The following CYB5A variants were observed in gnomAD, a reference collection of about 807,000 sequenced individuals.
CYB5A encodes cytochrome b5 type A.
A neutral mutation model predicts 16.2 loss-of-function variants in CYB5A; 10 were observed. That is an observed-to-expected ratio of 0.62 (90% CI 0.38 to 1.04). CYB5A has a LOEUF of 1.04. Among genes scored for constraint, CYB5A ranks in the 50% least tolerant of loss-of-function variants. The probability of loss-of-function intolerance (pLI) is 0.01; values close to 1 mark genes in which losing one functional copy is unlikely to be tolerated. For missense variants in CYB5A, 161 were observed against 165.9 expected (o/e 0.97, Z 0.16); for synonymous variants, 62 against 57.0 (o/e 1.09, Z -0.40).
rs1305436500 is a variant in CYB5A at position 74,252,219 on chromosome 18, G to T, written c.*1365C>A. 1 of 152,204 alleles carries T rather than the reference G, an allele frequency of 6.6e-6. No homozygotes were observed. The highest frequency in any genetic ancestry group is 1.5e-5 in the Non-Finnish European group (1 of 68,024). 9.4% of individuals were successfully genotyped at this position (152,204 alleles called of 1,614,324 possible). A position where few individuals can be genotyped will look rare whatever the true frequency, so the allele number is the denominator to read the frequency against. On this transcript the variant is annotated 3_prime_UTR_variant, in exon 5 of 5. Transcript: ENST00000340533. ...GCGGTCACTTCTGAAGAACCTCGTGGTTTGTCAGCTCATGCCAGTGCAAAT... is the reference window on the plus strand; with the variant it reads ...GCGGTCACTTCTGAAGAACCTCGTGTTTTGTCAGCTCATGCCAGTGCAAAT...
intron 1 of CYB5A, among the ~76,000 whole-genome samples, chr18:74,283,961 A>G (rs1983217711): frequency 6.6e-6 from 1 of 152,300 alleles, no homozygotes; most frequent in South Asian, 2.1e-4. Context: ...GGCCGGGCGC[A>G]GTGGCTCACA....
chr18:74,259,574 T>A (rs963794843), intron 3 of CYB5A: 1 of 152,212 alleles, frequency 6.6e-6, no homozygotes, highest in Non-Finnish European at 1.5e-5. Flanking sequence ...TGTTTTCTGC[T>A]TGTAGTCTTT....
chr18:74,253,661 A>C lies in CYB5A; in HGVS notation c.328T>G (p.Trp110Gly), dbSNP rs1388079629. ...ATGGCAGGGATCACCCAGTTGGTCC[A>C]CCAACTAGAAAGACACAAAAAGCAA... ...ITTIDSSSSW[W>G]TNWVIPAISA... is the part of the protein sequence containing the mutation. Residue 110 changes from tryptophan to glycine, a missense_variant, in exon 5 of 5, where the codon TGG becomes GGG. Trp to Gly is a radical substitution (Grantham distance 184, BLOSUM62 -2). Coordinates refer to ENST00000340533, the MANE Select transcript of CYB5A (RefSeq NM_148923.4). 2 of 1,611,600 alleles carry C rather than the reference A, an allele frequency of 1.2e-6. No individual in the cohort carries two copies. Among genetic ancestry groups the C allele is most frequent in the Admixed American group, 3.3e-5 (2 of 60,002 alleles).
intron 1 of CYB5A, among the ~76,000 whole-genome samples, chr18:74,264,700 A>G (rs1362510146): frequency 2.0e-5 from 3 of 152,144 alleles, no homozygotes; most frequent in Non-Finnish European, 4.4e-5. Context: ...TCAACTCCAC[A>G]CTGGGGAGAG....
intron 1 of CYB5A, among the ~76,000 whole-genome samples, chr18:74,274,164 G>A (rs573969696): frequency 2.0e-4 from 30 of 152,342 alleles, no homozygotes; most frequent in Non-Finnish European, 3.1e-4. Context: ...ACAATAGTGC[G>A]AATATGTCAC....
At chr18:74,269,644 C>T (rs1338523287) in intron 1 of CYB5A, among the ~76,000 whole-genome samples, 1 of 152,218 alleles carries the variant, frequency 6.6e-6, no homozygotes, top group Non-Finnish European at 1.5e-5. Flanking sequence ...TGCCACCACA[C>T]ACCCAGTTGC....
intron 1 of CYB5A, among the ~76,000 whole-genome samples, chr18:74,283,309 C>T (rs1485437662): frequency 6.6e-6 from 1 of 152,190 alleles, no homozygotes; most frequent in Non-Finnish European, 1.5e-5. Context: ...CCAAACAACA[C>T]ATGCCTCCTC....
chr18:74,286,224 C>T (rs1983315368), intron 1 of CYB5A, among the ~76,000 whole-genome samples: 1 of 152,222 alleles, frequency 6.6e-6, no homozygotes, highest in African/African-American at 2.4e-5. Context: ...TGCAGTTTTC[C>T]ACACTGTCCA....
chr18:74,285,843 CAAAAAAAAAAAA>C (rs58176740), intron 1 of CYB5A, among the ~76,000 whole-genome samples: 1 of 70,866 alleles, frequency 1.4e-5, no homozygotes, highest in Non-Finnish European at 3.1e-5. Context: ...GACCCCATCT[CAAAAAAAAAAAA>C]AAAAAAAAAA....
chr18:74,287,999 G>T (rs551501891), intron 1 of CYB5A, among the ~76,000 whole-genome samples: 1 of 151,858 alleles, frequency 6.6e-6, no homozygotes, highest in Non-Finnish European at 1.5e-5. Flanking sequence ...TAGAACTCAG[G>T]ATTGAAAAAA....
chr18:74,256,038 A>G (rs961097190), intron 3 of CYB5A: 5 of 456,768 alleles, frequency 1.1e-5, no homozygotes, highest in Non-Finnish European at 2.0e-5. Context: ...GCTACATAAA[A>G]TATCTTGCAC....
chr18:74,283,634 C>G (rs1262491846), intron 1 of CYB5A, among the ~76,000 whole-genome samples: 3 of 152,216 alleles, frequency 2.0e-5, no homozygotes, highest in Admixed American at 6.5e-5. Context: ...CCTGGTTCCT[C>G]CAGAGAACTC....
At position 74,252,991 on chromosome 18, in the gene CYB5A, C is replaced by A. The variant is rs942763630; in HGVS notation, c.*593G>T. 1 of 156,034 alleles carries A rather than the reference C, an allele frequency of 6.4e-6. No homozygotes were observed. The highest frequency in any genetic ancestry group is 1.4e-5 in the Non-Finnish European group (1 of 70,634). The allele number at this position is 156,034 out of a possible 1,614,324, so 9.7% of individuals were successfully genotyped here. On this transcript the variant is annotated 3_prime_UTR_variant, in exon 5 of 5. Coordinates refer to ENST00000340533, the MANE Select transcript of CYB5A (RefSeq NM_148923.4). ...GTGCTGGGCTTACAGGTGTGAGCCA[C>A]GATGCCCAGCCGCTACTTTCTTTTT...
At chr18:74,275,004 A>C (rs2145066600) in intron 1 of CYB5A, among the ~76,000 whole-genome samples, 1 of 152,142 alleles carries the variant, frequency 6.6e-6, no homozygotes, top group Non-Finnish European at 1.5e-5. Flanking sequence ...TGCTGCTGGG[A>C]TCTCATCCTC....
rs73480491 is a variant in CYB5A at position 74,256,161 on chromosome 18, A to G, written c.289-386T>C. 934 of 184,842 alleles carry G rather than the reference A, an allele frequency of 5.1e-3. 15 individuals carry two copies. The highest frequency in any genetic ancestry group is 0.021 in the African/African-American group (865 of 42,184). 11.5% of individuals were successfully genotyped at this position (184,842 alleles called of 1,614,324 possible). On this transcript the variant is annotated intron_variant, in intron 3 of 4. Coordinates refer to ENST00000340533, the MANE Select transcript of CYB5A (RefSeq NM_148923.4). Reference sequence around the variant, plus strand: ...TTTAATTCTTCAAAAGCATGAACACAATGTTCAATAAAAACATCAGTTATT... The same window carrying G: ...TTTAATTCTTCAAAAGCATGAACACGATGTTCAATAAAAACATCAGTTATT...
At chr18:74,263,933 T>A (rs1982320560) in intron 1 of CYB5A, among the ~76,000 whole-genome samples, 3 of 150,842 alleles carry the variant, frequency 2.0e-5, no homozygotes, top group African/African-American at 7.3e-5. Flanking sequence ...AAAAAAAATT[T>A]AAAAACAACC....
At chr18:74,271,427 G>A (rs1024043618) in intron 1 of CYB5A, among the ~76,000 whole-genome samples, 1 of 152,074 alleles carries the variant, frequency 6.6e-6, no homozygotes, top group Non-Finnish European at 1.5e-5. Flanking sequence ...GCTACCACGG[G>A]TACCTCTCTG....
Position 74,284,352 on chromosome 18 carries a change from G to A in CYB5A, c.129+7395C>T, listed in dbSNP as rs188573376. Among the ~76,000 whole-genome samples, 92 of 151,994 alleles carry A rather than the reference G, an allele frequency of 6.1e-4. 1 individual carries two copies. In the Middle Eastern group the frequency reaches 0.014, roughly 22 times the overall value. On this transcript the variant is annotated intron_variant, in intron 1 of 4. Transcript: ENST00000340533. ...GAATGTCCATAAACATTCAGCCAACGTCCACTGCTATCACTTTTCTTATTA... is the reference window on the plus strand; with the variant it reads ...GAATGTCCATAAACATTCAGCCAACATCCACTGCTATCACTTTTCTTATTA...
chr18:74,268,895 C>A (rs754657037), intron 1 of CYB5A, among the ~76,000 whole-genome samples: 1 of 152,080 alleles, frequency 6.6e-6, no homozygotes, highest in Non-Finnish European at 1.5e-5. Flanking sequence ...CAGGCTTTTG[C>A]GAAATCTCCA....
Sources: allele counts gnomAD v4.1 joint callset (sites outside exome capture counted in the v4.1 genomes callset), GRCh38; gene constraint gnomAD v4.1.1; transcripts MANE v1.5; gene names NCBI Gene and HGNC (gene_info 2026-07-23, HGNC 2026-07-21).